FBN3: variants seen among roughly 807,000 people sequenced by gnomAD.
The protein encoded by FBN3 is fibrillin-3.
FBN3 carries 234 observed loss-of-function variants against 330.1 expected under a neutral mutation model. The ratio of observed to expected loss-of-function variants is 0.71; its 90% CI spans 0.64 to 0.79. FBN3 has a LOEUF of 0.79. Among genes scored for constraint, FBN3 ranks in the 30% least tolerant of loss-of-function variants. The pLI, the probability that FBN3 is intolerant of heterozygous loss-of-function variation, is 0.00. For missense variants in FBN3, 3,606 were observed against 3,886.9 expected (o/e 0.93, Z 1.92); for synonymous variants, 1,458 against 1,517.3 (o/e 0.96, Z 0.91).
chr19:8,111,061 G>T lies in FBN3; in HGVS notation c.4207C>A (p.Gln1403Lys), dbSNP rs765730578. The change falls in exon 33 of 64, where the codon CAG becomes AAG. Residue 1403 changes from glutamine (Q) to lysine (K), a missense_variant. Physicochemically the swap from Gln to Lys is moderately conservative, Grantham distance 53. Coordinates refer to ENST00000600128, the MANE Select transcript of FBN3 (RefSeq NM_032447.5). ...GCCCTGGCGGGCCCAACCTTACCCTGGCAGGCCCGGTGGTCCTCGGTGGGG... is the reference window on the plus strand; with the variant it reads ...GCCCTGGCGGGCCCAACCTTACCCTTGCAGGCCCGGTGGTCCTCGGTGGGG... ...FDPTEDHRACQDVDECAQGNL... is the reference protein window; with the variant it reads ...FDPTEDHRACKDVDECAQGNL... 1 of 1,613,148 alleles carries T rather than the reference G, an allele frequency of 6.2e-7. No homozygotes were observed. The highest frequency in any genetic ancestry group is 1.3e-5 in the African/African-American group (1 of 75,046).
chr19:8,097,392 G>A lies in FBN3; in HGVS notation c.5184C>T (p.Ile1728=), dbSNP rs756275360. The change falls in exon 42 of 64, where the codon ATC becomes ATT. Residue 1728 remains isoleucine, a synonymous_variant. Transcript: ENST00000600128. ...KPLDIDECGE[I]PAICANGICI... is the part of the protein sequence containing the mutation. Reference sequence around the variant, plus strand: ...AGATGCCATTGGCACAGATGGCGGGGATCTCCCCACACTCATCAATGTCTG... The same window carrying A: ...AGATGCCATTGGCACAGATGGCGGGAATCTCCCCACACTCATCAATGTCTG... 6.2e-7 allele frequency: 1 copy of A among 1,604,046 alleles called. No individual in the cohort carries two copies. Among genetic ancestry groups the A allele is most frequent in the South Asian group, 1.1e-5 (1 of 90,640 alleles).
intron 25 of FBN3, among the ~76,000 whole-genome samples, chr19:8,119,705 C>T (rs1003313631): frequency 6.6e-6 from 1 of 150,612 alleles, no homozygotes; most frequent in African/African-American, 2.4e-5. Flanking sequence ...GTAGAGACAG[C>T]GTTTCACCAT....
Position 8,117,267 on chromosome 19 carries a change from T to C in FBN3, c.3488A>G (p.Asn1163Ser), listed in dbSNP as rs761643197. 1.2e-6 allele frequency: 2 copies of C among 1,613,756 alleles called. No individual in the cohort carries two copies. Among genetic ancestry groups the C allele is most frequent in the Non-Finnish European group, 1.7e-6 (2 of 1,179,888 alleles). The change falls in exon 28 of 64, where the codon AAT becomes AGT. Residue 1163 changes from asparagine to serine, a missense_variant. Asn to Ser is a conservative substitution (Grantham distance 46). Transcript: ENST00000600128. ...AATACAGTGCACGTCACACCCACCA[T>C]TCTGGACCCGGCATTCGTTGATGTC... Reference protein sequence around the residue: ...CVDINECRVQNGGCDVHCINT... With the variant: ...CVDINECRVQSGGCDVHCINT...
chr19:8,130,878 T>G (rs541935326), intron 16 of FBN3, among the ~76,000 whole-genome samples: 1 of 151,202 alleles, frequency 6.6e-6, no homozygotes, highest in South Asian at 2.1e-4. Flanking sequence ...GGGGGAGTTT[T>G]GGACACAGAC....
intron 4 of FBN3, 82 bp from the exon 5 acceptor site, chr19:8,146,020 T>C (rs1306881415): frequency 1.4e-5 from 21 of 1,484,854 alleles, no homozygotes; most frequent in Admixed American, 2.0e-5. Context: ...GGACTAGGCA[T>C]GCTCAGCCCC....
Position 8,142,052 on chromosome 19 carries a change from A to G in FBN3, c.627T>C (p.Leu209=). ...QLTGLVCTKA[L]CCATVGRAWG... ...AGGCACGGCCCACAGTGGCACAGCA[A>G]AGTGCCTTGGTGCACACGAGGCCCG... Residue 209 remains leucine (L), a synonymous_variant, in exon 7 of 64, where the codon CTT becomes CTC. Coordinates refer to ENST00000600128, the MANE Select transcript of FBN3 (RefSeq NM_032447.5). 6.2e-7 allele frequency: 1 copy of G among 1,614,152 alleles called. No individual in the cohort carries two copies. The highest frequency in any genetic ancestry group is 8.5e-7 in the Non-Finnish European group (1 of 1,180,020).
In FBN3 at chr19:8,116,861, C is replaced by G. The variant is rs1182713964; in HGVS notation, c.3587-62G>C. The G allele has an allele frequency of 3.2e-6, 5 of 1,569,934 alleles. No individual in the cohort carries two copies. The African/African-American group carries it at 6.7e-5, about 21-fold the overall frequency. ...CCCTGATAGACCACCCAGTACACAT[C>G]TGCTCCCCAGGCCCCAGGACGACCT... On this transcript the variant is annotated intron_variant, in intron 28 of 63. Transcript: ENST00000600128.
chr19:8,065,553 T>C lies in FBN3; in HGVS notation c.*366A>G, dbSNP rs77141825. 520 of 236,690 alleles carry C rather than the reference T, an allele frequency of 2.2e-3. 5 individuals are homozygous for C. The South Asian group carries it at 0.035, about 16-fold the overall frequency. The allele number at this position is 236,690 out of a possible 1,614,324, so 14.7% of individuals were successfully genotyped here. A position where few individuals can be genotyped will look rare whatever the true frequency, so the allele number is the denominator to read the frequency against. On this transcript the variant is annotated 3_prime_UTR_variant, in exon 64 of 64. Transcript: ENST00000600128. The stretch of plus-strand genomic sequence containing the variant: ...GCCCTGTGCCCACCCCAGTTGCCCA[T>C]TGCCATGTCCTGCCAACCCCCTGCC...
At chr19:8,132,415 A>T (rs945256924) in intron 14 of FBN3, among the ~76,000 whole-genome samples, 10 of 151,930 alleles carry the variant, frequency 6.6e-5, no homozygotes, top group Non-Finnish European at 1.5e-5. Context: ...TCCTGTCCTC[A>T]AGTGATCCTC....
Position 8,121,442 on chromosome 19 carries a change from C to T in FBN3, c.3083-56G>A, listed in dbSNP as rs1342381822. On this transcript the variant is annotated intron_variant, in intron 24 of 63. Transcript: ENST00000600128. The surrounding 1 kb of genome is among the most constrained non-coding windows in gnomAD (Gnocchi z 4.5). ...GCCATGTGGGCCGCATCATGGGGCA[C>T]GAGGCAGGGGGGTCCCTGTCCTTTG... 8.0e-6 allele frequency: 12 copies of T among 1,498,744 alleles called. No homozygotes were observed. In the Admixed American group the frequency reaches 8.8e-5, roughly 11 times the overall value. 92.8% of individuals were successfully genotyped at this position (1,498,744 alleles called of 1,614,324 possible).
chr19:8,072,983 G>GTGTA, intron 62 of FBN3, 80 bp downstream of exon 62: 1 of 830,130 alleles, frequency 1.2e-6, no homozygotes, highest in Admixed American at 2.1e-5. Context: ...GTGTGTGTGT[G>GTGTA]TGTGTGTGTG....
rs925294353 is a variant in FBN3, at chr19:8,131,255, C to A, written c.2024G>T (p.Gly675Val). 7.4e-6 allele frequency: 12 copies of A among 1,611,186 alleles called. No individual in the cohort carries two copies. The Admixed American group carries it at 1.2e-4, about 16-fold the overall frequency. Residue 675 changes from glycine to valine, a missense_variant, in exon 16 of 64, where the codon GGC (glycine) becomes GTC (valine). By Grantham distance (109) the Gly-to-Val change is moderately radical (BLOSUM62 -3). Coordinates refer to ENST00000600128, the MANE Select transcript of FBN3 (RefSeq NM_032447.5). The surrounding 1 kb of genome is among the most constrained non-coding windows in gnomAD (Gnocchi z 4.5). The part of the protein sequence containing the change: ...EFQALCSSGL[G>V]ITTDGRDINE... Reference sequence around the variant, plus strand: ...CTTACCTCGACCATCCGTGGTAATGCCAAGCCCACTGCTGCACAGTGCCTG... The same window carrying A: ...CTTACCTCGACCATCCGTGGTAATGACAAGCCCACTGCTGCACAGTGCCTG...
intron 20 of FBN3, 37 bp downstream of exon 20, chr19:8,126,431 C>T (rs1204166288): frequency 1.9e-6 from 3 of 1,600,570 alleles, no homozygotes; most frequent in Non-Finnish European, 2.6e-6. Flanking sequence ...GAGGGCTTTT[C>T]CCATGGGTGC....
At position 8,123,522 on chromosome 19, in the gene FBN3, G is replaced by A. The variant is rs1418395589; in HGVS notation, c.3024C>T (p.Ser1008=). 4.2e-5 allele frequency: 67 copies of A among 1,614,062 alleles called. No individual in the cohort carries two copies. The highest frequency in any genetic ancestry group is 5.4e-5 in the Non-Finnish European group (64 of 1,180,020). ...AGCCCCCCGCACAGGCGCAGTGGAA[G>A]CTGCCCACCGTGTTTCTGCAGGTAC... The part of the protein sequence containing the change: ...THGTCRNTVG[S]FHCACAGGFA... Residue 1008 remains serine (S), a synonymous_variant, in exon 24 of 64, where the codon AGC becomes AGT. Transcript: ENST00000600128.
intron 33 of FBN3, 21 bp from the exon 34 acceptor site, chr19:8,110,988 C>T: frequency 6.2e-7 from 1 of 1,614,214 alleles, no homozygotes; most frequent in Non-Finnish European, 8.5e-7. Flanking sequence ...CCTGGGTCAG[C>T]CTGCCCCACC....
rs111915604 is a variant in FBN3 at position 8,096,322 on chromosome 19, T to G, written c.5539+122A>C. ...CAACCATTTACCCAAGATCTTAATC[T>G]CAGGACCCAAACTTGGATCTCTTTG... On this transcript the variant is annotated intron_variant, in intron 44 of 63. Coordinates refer to ENST00000600128, the MANE Select transcript of FBN3 (RefSeq NM_032447.5). The surrounding 1 kb of genome is among the most constrained non-coding windows in gnomAD (Gnocchi z 4.6). The G allele has an allele frequency of 1.6e-6, 2 of 1,281,444 alleles. No homozygotes were observed. The highest frequency in any genetic ancestry group is 3.0e-5 in the African/African-American group (2 of 67,134). 79.4% of individuals were successfully genotyped at this position (1,281,444 alleles called of 1,614,324 possible). A position where few individuals can be genotyped will look rare whatever the true frequency, so the allele number is the denominator to read the frequency against.
chr19:8,095,592 C>G, intron 45 of FBN3, 89 bp from the exon 46 acceptor site: 2 of 1,438,038 alleles, frequency 1.4e-6, no homozygotes, highest in South Asian at 2.6e-5. Flanking sequence ...CTGAGTTGAG[C>G]TGACAGCATT....
At chr19:8,133,678 T>C (rs1331053677) in intron 13 of FBN3, among the ~76,000 whole-genome samples, 1 of 151,968 alleles carries the variant, frequency 6.6e-6, no homozygotes, top group African/African-American at 2.4e-5. Flanking sequence ...AGTCTTGAAC[T>C]CCTGACCTCG....
In FBN3 at chr19:8,089,765, G is replaced by A; in HGVS notation, c.6251-95C>T. 2.5e-6 allele frequency: 4 copies of A among 1,568,958 alleles called. No individual in the cohort carries two copies. The South Asian group carries it at 3.6e-5, about 14-fold the overall frequency. On this transcript the variant is annotated intron_variant, in intron 50 of 63. Coordinates refer to ENST00000600128, the MANE Select transcript of FBN3 (RefSeq NM_032447.5). ...AGGCCCCAAGGGGACAAAAGCCCAAGCCCCAGGCTGGCAGGGTCCAGGGCC... is the reference window on the plus strand; with the variant it reads ...AGGCCCCAAGGGGACAAAAGCCCAAACCCCAGGCTGGCAGGGTCCAGGGCC...
Sources: allele counts gnomAD v4.1 joint callset (sites outside exome capture counted in the v4.1 genomes callset), GRCh38; gene constraint gnomAD v4.1.1; non-coding constraint Gnocchi (gnomAD v3.1); transcripts MANE v1.5; gene names NCBI Gene and HGNC (gene_info 2026-07-23, HGNC 2026-07-21).